NFKBID: variants seen among roughly 807,000 people sequenced by gnomAD.
NFKBID encodes NF-kappa-B inhibitor delta.
A neutral mutation model predicts 53.4 loss-of-function variants in NFKBID; 26 were observed. The ratio of observed to expected loss-of-function variants is 0.49; its 90% CI spans 0.36 to 0.68. The LOEUF (loss-of-function observed/expected upper bound fraction) is 0.68. Ranked by LOEUF, NFKBID falls within the 30% of genes least tolerant of loss-of-function variation. The probability of loss-of-function intolerance (pLI) is 0.00; values close to 1 mark genes in which losing one functional copy is unlikely to be tolerated. For missense variants in NFKBID, 493 were observed against 614.1 expected, an observed-to-expected ratio of 0.80 and a Z score of 2.08; for synonymous variants, 262 against 259.8, an observed-to-expected ratio of 1.01 and a Z score of -0.08.
At position 35,890,072 on chromosome 19, in the gene NFKBID, G is replaced by A. The variant is rs908393699; in HGVS notation, c.1150-18C>T. On this transcript the variant is annotated intron_variant, in intron 10 of 11. Coordinates refer to ENST00000641389, the Ensembl canonical transcript of NFKBID. Reference sequence around the variant, plus strand: ...CCGTGGGCCTGGAAAAGTAAGGGGAGGGCTGGTGGGGATCTGGGCTCAGCT... The same window carrying A: ...CCGTGGGCCTGGAAAAGTAAGGGGAAGGCTGGTGGGGATCTGGGCTCAGCT... 2 of 1,586,566 alleles carry A rather than the reference G, an allele frequency of 1.3e-6. No homozygotes were observed. The highest frequency in any genetic ancestry group is 2.7e-5 in the African/African-American group (2 of 74,670).
At chr19:35,901,386 C>T (rs749796609), upstream of NFKBID, among the ~76,000 whole-genome samples, 2 of 152,056 alleles carry the variant, frequency 1.3e-5, no homozygotes, top group African/African-American at 4.8e-5. Flanking sequence ...TTCATTTACT[C>T]ATTCATCATT....
rs1333719752 is a variant in NFKBID, at chr19:35,896,274, G to A, written c.832-5C>T. On this transcript the variant is annotated splice_polypyrimidine_tract_variant and splice_region_variant and intron_variant, in intron 7 of 11. Coordinates refer to ENST00000641389, the Ensembl canonical transcript of NFKBID. This position sits in a 1 kb window ranked among gnomAD's most constrained non-coding sequence, Gnocchi z 5.7. ...GACCCCAGAGTTAAGCACAGCCTGG[G>A]AGGAAGAGAAGGCAGACTGCTGGGT... 1.2e-6 allele frequency: 2 copies of A among 1,614,186 alleles called. No homozygotes were observed. Among genetic ancestry groups the A allele is most frequent in the South Asian group, 1.1e-5 (1 of 91,088 alleles).
At chr19:35,894,970 GCAAC>G (rs1347966524) in intron 9 of NFKBID, among the ~76,000 whole-genome samples, 2 of 151,812 alleles carry the variant, frequency 1.3e-5, no homozygotes, top group Non-Finnish European at 2.9e-5. Flanking sequence ...TCCAGCCTGG[GCAAC>G]AAGAGCAAAA....
rs1259656412 is a variant in NFKBID at position 35,890,868 on chromosome 19, T to TAAA, written c.1033-379_1033-378insTTT. On this transcript the variant is annotated intron_variant, in intron 9 of 11. Transcript: ENST00000641389. ...GACAGAGTGACACTCTATCTCAAAA[T>TAAA]TAATAAATAAATAAATAAGATGCTG... 2.0e-3 allele frequency among the ~76,000 whole-genome samples: 293 copies of TAAA among 144,340 alleles called. 1 individual carries two copies. Among genetic ancestry groups the TAAA allele is most frequent in the African/African-American group, 8.1e-3 (277 of 34,240 alleles). The allele number at this position is 144,340 out of a possible 152,430, so 94.7% of individuals were successfully genotyped here.
chr19:35,892,543 C>CAAAAAAAAAAAAAAAAAAAAAAA (rs112001334), intron 9 of NFKBID, among the ~76,000 whole-genome samples: 4 of 112,270 alleles, frequency 3.6e-5, no homozygotes, highest in African/African-American at 1.4e-4. Flanking sequence ...GACTCCATCT[C>CAAAAAAAAAAAAAAAAAAAAAAA]AAAAAAAAAA....
intron 9 of NFKBID, 75 bp from the exon 10 acceptor site, chr19:35,890,565 T>A: frequency 1.0e-6 from 1 of 998,230 alleles, no homozygotes; most frequent in Non-Finnish European, 1.6e-6. Context: ...CAGGAGTCTT[T>A]AAAGACCCTG....
At chr19:35,901,145 T>G (rs1287395203), upstream of NFKBID, among the ~76,000 whole-genome samples, 3 of 151,862 alleles carry the variant, frequency 2.0e-5, no homozygotes, top group Non-Finnish European at 2.9e-5. Flanking sequence ...GGCCTGGATT[T>G]CTGGGTCTGT....
exon 5 of NFKBID, chr19:35,897,040 A>C (rs1173823293): frequency 6.2e-7 from 1 of 1,604,282 alleles, no homozygotes; most frequent in Non-Finnish European, 8.5e-7. Context: ...GGGGGTGCAG[A>C]AACTCTCCAG....
At chr19:35,895,044 G>A (rs1294599734) in intron 9 of NFKBID, among the ~76,000 whole-genome samples, 1 of 152,008 alleles carries the variant, frequency 6.6e-6, no homozygotes, top group East Asian at 1.9e-4. Context: ...TTCCTTTTCA[G>A]TAAAATAGAG....
rs549930975 is a variant in NFKBID at position 35,890,725 on chromosome 19, G to A, written c.1033-235C>T. Reference sequence around the variant, plus strand: ...CAAAAAATAGAAAAATTAGCCAGGCGTGGTGGTGCGCACCTGTAGTCCCAG... The same window carrying A: ...CAAAAAATAGAAAAATTAGCCAGGCATGGTGGTGCGCACCTGTAGTCCCAG... On this transcript the variant is annotated intron_variant, in intron 9 of 11. Coordinates refer to ENST00000641389, the Ensembl canonical transcript of NFKBID. 6.5e-5 allele frequency: 34 copies of A among 525,006 alleles called. 1 individual carries two copies. The highest frequency in any genetic ancestry group is 3.8e-4 in the South Asian group (22 of 57,464). The allele number at this position is 525,006 out of a possible 1,614,324, so 32.5% of individuals were successfully genotyped here.
In NFKBID at chr19:35,895,596, G is replaced by A. The variant is rs190019458; in HGVS notation, c.1032+384C>T. Among the ~76,000 whole-genome samples the A allele has an allele frequency of 9.8e-4, 149 of 152,254 alleles. 1 individual carries two copies. The highest frequency in any genetic ancestry group is 9.7e-3 in the Admixed American group (149 of 15,292). On this transcript the variant is annotated intron_variant, in intron 9 of 11. Transcript: ENST00000641389. ...GCAGGTGGATCACCTGAGGTCGGGA[G>A]TTCGAGACCAGCAAGACCAATGTGG...
chr19:35,897,230 G>T, intron 4 of NFKBID, 172 bp from the exon 5 acceptor site: 1 of 655,958 alleles, frequency 1.5e-6, no homozygotes, highest in Non-Finnish European at 2.5e-6. Flanking sequence ...GGACCTTTAG[G>T]CCTCAGTTTT....
At chr19:35,890,222 G>A (rs926176640) in intron 10 of NFKBID, 152 bp downstream of exon 10, 5 of 847,728 alleles carry the variant, frequency 5.9e-6, no homozygotes, top group Non-Finnish European at 9.4e-6. Context: ...CGGACTACAT[G>A]TTCTGGGGCA....
At chr19:35,898,350 GA>G (rs575018690) in intron 3 of NFKBID, 121 bp downstream of exon 3, 56,560 of 565,010 alleles carry the variant, frequency 0.1, 25 homozygotes, top group East Asian at 0.15. Context: ...TCCTGTCTCA[GA>G]AAAAAAAAAA....
At chr19:35,893,902 T>A (rs1052491973) in intron 9 of NFKBID, among the ~76,000 whole-genome samples, 3 of 151,918 alleles carry the variant, frequency 2.0e-5, no homozygotes, top group African/African-American at 4.8e-5. Context: ...ATGTTGGACA[T>A]ATGGAGTTCA....
Position 35,896,020 on chromosome 19 carries a change from A to T in NFKBID, c.992T>A (p.Val331Asp). The change falls in exon 9 of 12, where the codon GTC becomes GAC. Residue 331 changes from valine (V) to aspartate (D), a missense_variant. Coordinates refer to ENST00000641389, the Ensembl canonical transcript of NFKBID. The surrounding 1 kb of genome is among the most constrained non-coding windows in gnomAD (Gnocchi z 5.7). ...AGCACCCATTTGCAGCAACATGTGG[A>T]CACAATCCAGCCTGTCTCGGGCCTG... is the stretch of plus-strand genomic sequence containing the variant. 1 of 1,614,170 alleles carries T rather than the reference A, an allele frequency of 6.2e-7. No individual in the cohort carries two copies. The highest frequency in any genetic ancestry group is 2.2e-5 in the East Asian group (1 of 44,874).
intron 1 of NFKBID, chr19:35,899,759 G>C (rs886217365): frequency 4.6e-5 from 7 of 151,908 alleles, no homozygotes; most frequent in African/African-American, 1.5e-4. Flanking sequence ...ATTGCGCGGG[G>C]CGGGGGCGGG....
intron 9 of NFKBID, 104 bp from the exon 10 acceptor site, chr19:35,890,594 T>C (rs778822975): frequency 2.4e-6 from 2 of 825,296 alleles, no homozygotes; most frequent in South Asian, 1.3e-5. Flanking sequence ...CGGAGTGCGG[T>C]GGTTCACGCC....
At chr19:35,898,774 A>G in exon 2 of NFKBID, 2 of 1,536,064 alleles carry the variant, frequency 1.3e-6, no homozygotes, top group Non-Finnish European at 1.7e-6. Flanking sequence ...CTCTTCCAGA[A>G]GCTTCTTCAC....
Sources: allele counts gnomAD v4.1 joint callset (sites outside exome capture counted in the v4.1 genomes callset), GRCh38; gene constraint gnomAD v4.1.1; non-coding constraint Gnocchi (gnomAD v3.1); transcripts MANE v1.5; gene names NCBI Gene and HGNC (gene_info 2026-07-23, HGNC 2026-07-21).